Variants in TMC5 observed in about 807,000 individuals in gnomAD.
TMC5 encodes transmembrane channel-like protein 5.
A neutral mutation model predicts 110.5 loss-of-function variants in TMC5; 86 were observed. That is an observed-to-expected ratio of 0.78 (90% CI 0.65 to 0.93). The LOEUF is 0.93. Ranked by LOEUF, TMC5 falls within the 40% of genes least tolerant of loss-of-function variation. TMC5 has a pLI of 0.00. For missense variants in TMC5, 1,144 were observed against 1,222.8 expected (o/e 0.94, Z 0.96); for synonymous variants, 455 against 439.5 (o/e 1.04, Z -0.44).
chr16:19,488,147 G>C (rs1435590613), intron 17 of TMC5, among the ~76,000 whole-genome samples: 1 of 152,238 alleles, frequency 6.6e-6, no homozygotes, highest in East Asian at 1.9e-4. Context: ...CATTTGAAAG[G>C]TGTGCTTTGT....
At chr16:19,496,594 CTG>C (rs931464592) in intron 20 of TMC5, among the ~76,000 whole-genome samples, 1 of 151,946 alleles carries the variant, frequency 6.6e-6, no homozygotes, top group African/African-American at 2.4e-5. Flanking sequence ...CAGTGAATAT[CTG>C]TGGAACGGCC....
chr16:19,462,877 G>A (rs1417484343), intron 6 of TMC5, among the ~76,000 whole-genome samples: 2 of 147,874 alleles, frequency 1.4e-5, no homozygotes, highest in Non-Finnish European at 3.0e-5. Context: ...CAGCCTGGGT[G>A]ACAGAGTGAG....
intron 2 of TMC5, among the ~76,000 whole-genome samples, chr16:19,438,507 G>A (rs1246655831): frequency 6.7e-6 from 1 of 148,546 alleles, no homozygotes; most frequent in Non-Finnish European, 1.5e-5. Flanking sequence ...AGCATTTTGG[G>A]AGGCCGAGAC....
chr16:19,450,614 G>A (rs1367016932), intron 5 of TMC5, among the ~76,000 whole-genome samples: 3 of 152,132 alleles, frequency 2.0e-5, no homozygotes, highest in Non-Finnish European at 2.9e-5. Context: ...GCAGGCCCAC[G>A]TGAGCCCTCT....
At chr16:19,465,131 C>T (rs1284834465) in intron 8 of TMC5, among the ~76,000 whole-genome samples, 2 of 127,348 alleles carry the variant, frequency 1.6e-5, no homozygotes, top group African/African-American at 5.9e-5. Flanking sequence ...CTCCCTCCCT[C>T]CCTTCCTGGA....
rs1187495351 is a variant in TMC5, at chr16:19,426,529, C to G, written c.-307-3884C>G. On this transcript the variant is annotated intron_variant, in intron 1 of 21. Transcript: ENST00000542583. ...TTTCTTGTTGGATAGCAGAGGAGCCCACTCCTAGTAGATCTCAGTGGGTGC... is the reference window on the plus strand; with the variant it reads ...TTTCTTGTTGGATAGCAGAGGAGCCGACTCCTAGTAGATCTCAGTGGGTGC... Among the ~76,000 whole-genome samples, 3 of 152,200 alleles carry G rather than the reference C, an allele frequency of 2.0e-5. No individual in the cohort carries two copies. The East Asian group carries it at 5.8e-4, about 29-fold the overall frequency.
chr16:19,461,065 A>G (rs1968009775), intron 6 of TMC5, among the ~76,000 whole-genome samples: 1 of 152,252 alleles, frequency 6.6e-6, no homozygotes, highest in African/African-American at 2.4e-5. Context: ...ATCCTGGAAT[A>G]GAAAATGGAC....
intron 4 of TMC5, among the ~76,000 whole-genome samples, chr16:19,449,162 T>C (rs971082489): frequency 6.6e-6 from 1 of 152,112 alleles, no homozygotes. Context: ...CATATACATA[T>C]ATTTTTAGAG....
At chr16:19,477,101 A>G (rs1968507765) in intron 12 of TMC5, 1 of 228,816 alleles carries the variant, frequency 4.4e-6, no homozygotes, top group African/African-American at 2.4e-5. Context: ...AAAAAAAATT[A>G]GCCAGGTGTG....
chr16:19,463,376 G>A lies in TMC5; in HGVS notation c.1236+9G>A, dbSNP rs776059124. On this transcript the variant is annotated intron_variant, in intron 7 of 21. Coordinates refer to ENST00000542583, the MANE Select transcript of TMC5 (RefSeq NM_001261841.2). ...TGAACTCCATTTCCCGGGTAAGTCA[G>A]TAAAACAGGCACAGCAAGAGGGTGA... 2 of 1,599,208 alleles carry A rather than the reference G, an allele frequency of 1.3e-6. No homozygotes were observed. The highest frequency in any genetic ancestry group is 1.1e-5 in the South Asian group (1 of 90,798).
intron 4 of TMC5, 80 bp downstream of exon 4, chr16:19,444,330 C>A: frequency 7.7e-7 from 1 of 1,299,418 alleles, no homozygotes. Flanking sequence ...ATTAAGGAGA[C>A]TTGGCAATAG....
At chr16:19,450,196 G>A (rs893435143) in intron 5 of TMC5, among the ~76,000 whole-genome samples, 1 of 152,156 alleles carries the variant, frequency 6.6e-6, no homozygotes, top group Admixed American at 6.5e-5. Flanking sequence ...TCTTCATTAG[G>A]AATCTTCTGG....
At chr16:19,419,957 A>T (rs1966947503) in intron 1 of TMC5, among the ~76,000 whole-genome samples, 1 of 152,174 alleles carries the variant, frequency 6.6e-6, no homozygotes, top group Non-Finnish European at 1.5e-5. Flanking sequence ...AATGCTAATC[A>T]TCAGTTATGG....
chr16:19,457,141 C>T (rs1420558124), intron 5 of TMC5: 36 of 791,866 alleles, frequency 4.5e-5, no homozygotes, highest in South Asian at 2.3e-4. Context: ...TATAATCCTA[C>T]GGCTTTGGGA....
At chr16:19,422,489 A>G (rs372124783) in intron 1 of TMC5, among the ~76,000 whole-genome samples, 1 of 152,084 alleles carries the variant, frequency 6.6e-6, no homozygotes, top group South Asian at 2.1e-4. Flanking sequence ...TTAAGTACTT[A>G]CTTAATTTAT....
chr16:19,466,795 G>A (rs1019043540), intron 9 of TMC5, among the ~76,000 whole-genome samples: 1 of 152,168 alleles, frequency 6.6e-6, no homozygotes, highest in East Asian at 1.9e-4. Context: ...CCCCAGCAAT[G>A]ATATGAAGGG....
At chr16:19,436,074 C>T (rs969659979) in intron 2 of TMC5, among the ~76,000 whole-genome samples, 18 of 151,790 alleles carry the variant, frequency 1.2e-4, no homozygotes, top group African/African-American at 4.1e-4. Flanking sequence ...CCAGTCTGGC[C>T]AACATGAGGA....
intron 20 of TMC5, among the ~76,000 whole-genome samples, chr16:19,496,833 T>C (rs1390768580): frequency 7.2e-6 from 1 of 139,544 alleles, no homozygotes; most frequent in African/African-American, 2.8e-5. Context: ...GAGGTTGCAG[T>C]GAGCCGAGAT....
chr16:19,457,863 A>G (rs961069176), intron 5 of TMC5, among the ~76,000 whole-genome samples: 20 of 151,548 alleles, frequency 1.3e-4, no homozygotes, highest in Non-Finnish European at 2.8e-4. Flanking sequence ...AGCTGGGATT[A>G]CAGGTGCATG....
Sources: gnomAD v4.1 joint callset for allele counts (sites outside exome capture counted in the v4.1 genomes callset) on GRCh38, gnomAD v4.1.1 for gene constraint, MANE v1.5 for transcripts, NCBI Gene and HGNC (gene_info 2026-07-23, HGNC 2026-07-21) for gene names.